CTNND2: variants seen among roughly 807,000 people sequenced by gnomAD.
CTNND2 encodes the protein catenin delta-2.
In CTNND2, 22 loss-of-function variants were observed where a neutral mutation model predicts 144.4. That is an observed-to-expected ratio of 0.15 (90% confidence interval 0.11 to 0.22). The LOEUF (loss-of-function observed/expected upper bound fraction) is 0.22, where lower values mean the gene tolerates loss of function less well. Among genes scored for constraint, CTNND2 ranks in the 10% least tolerant of loss-of-function variants. The probability of loss-of-function intolerance (pLI) is 1.00; values close to 1 mark genes in which losing one functional copy is unlikely to be tolerated. For synonymous variants in CTNND2, 751 were observed against 695.6 expected (o/e 1.08, Z -1.25); for missense variants, 1,353 against 1,618.8 (o/e 0.84, Z 2.82).
At chr5:11,185,723 C>T (rs531465472) in intron 11 of CTNND2, among the ~76,000 whole-genome samples, 1 of 152,262 alleles carries the variant, frequency 6.6e-6, no homozygotes, top group African/African-American at 2.4e-5. Context: ...TTATTTCAAA[C>T]GTTTCATCAG....
intron 10 of CTNND2, among the ~76,000 whole-genome samples, chr5:11,226,391 C>T (rs911110601): frequency 6.6e-6 from 1 of 152,212 alleles, no homozygotes; most frequent in African/African-American, 2.4e-5. Flanking sequence ...GCCCACATCA[C>T]CATCTCACCC....
chr5:11,897,706 A>T (rs1737506028), intron 1 of CTNND2, among the ~76,000 whole-genome samples: 2 of 152,208 alleles, frequency 1.3e-5, no homozygotes, highest in African/African-American at 4.8e-5. Flanking sequence ...CTACAAATCA[A>T]CCAGGGCATT....
chr5:11,339,276 C>T (rs922660105), intron 9 of CTNND2, among the ~76,000 whole-genome samples: 1 of 149,846 alleles, frequency 6.7e-6, no homozygotes, highest in African/African-American at 2.5e-5. Context: ...ATTAAACAGC[C>T]TCATTTTTTA....
chr5:11,653,916 T>A (rs1030149021), intron 2 of CTNND2, among the ~76,000 whole-genome samples: 1 of 152,116 alleles, frequency 6.6e-6, no homozygotes, highest in African/African-American at 2.4e-5. Flanking sequence ...TTGATTTTTA[T>A]GTATGGTTTA....
intron 1 of CTNND2, among the ~76,000 whole-genome samples, chr5:11,796,969 G>C (rs1791437710): frequency 2.0e-5 from 3 of 152,126 alleles, no homozygotes; most frequent in African/African-American, 7.2e-5. Context: ...GAATTTTACA[G>C]AACTATTGTC....
intron 12 of CTNND2, among the ~76,000 whole-genome samples, chr5:11,124,206 G>C (rs567533769): frequency 6.6e-6 from 1 of 152,158 alleles, no homozygotes; most frequent in Admixed American, 6.5e-5. Context: ...AGGCTAAGCA[G>C]AGACTGAACA....
At chr5:11,175,551 A>G (rs1383408840) in intron 11 of CTNND2, among the ~76,000 whole-genome samples, 2 of 152,152 alleles carry the variant, frequency 1.3e-5, no homozygotes, top group Non-Finnish European at 2.9e-5. Flanking sequence ...TTAATTTTTA[A>G]TGCCTGGTAA....
At chr5:11,680,176 G>C (rs1581711151) in intron 2 of CTNND2, among the ~76,000 whole-genome samples, 1 of 152,120 alleles carries the variant, frequency 6.6e-6, no homozygotes, top group African/African-American at 2.4e-5. Context: ...CAGGGAGAAG[G>C]CCAGAGCAGG....
At chr5:11,162,401 G>T (rs1359123286) in intron 11 of CTNND2, among the ~76,000 whole-genome samples, 1 of 152,112 alleles carries the variant, frequency 6.6e-6, no homozygotes, top group Non-Finnish European at 1.5e-5. Context: ...TCTTTTTATA[G>T]GCTGTTCTAT....
intron 16 of CTNND2, among the ~76,000 whole-genome samples, chr5:11,070,558 T>C (rs1383997605): frequency 6.6e-6 from 1 of 152,094 alleles, no homozygotes; most frequent in Admixed American, 6.5e-5. Flanking sequence ...AGAGGAAATA[T>C]AATAATCAAT....
intron 3 of CTNND2, among the ~76,000 whole-genome samples, chr5:11,552,929 T>G (rs1775891756): frequency 6.6e-6 from 1 of 152,202 alleles, no homozygotes; most frequent in Admixed American, 6.5e-5. Context: ...TTTTGGACTC[T>G]CAGCATCTGA....
chr5:11,646,682 A>G (rs978946240), intron 2 of CTNND2, among the ~76,000 whole-genome samples: 4 of 152,170 alleles, frequency 2.6e-5, no homozygotes, highest in East Asian at 1.9e-4. Flanking sequence ...TTTTTGTTCA[A>G]TTTGTCTTTT....
chr5:11,902,968 G>A (rs1738030925), intron 1 of CTNND2: 1 of 155,950 alleles, frequency 6.4e-6, no homozygotes, highest in Admixed American at 6.5e-5. Flanking sequence ...AAACACCAGG[G>A]AGGCTGCATC....
intron 10 of CTNND2, among the ~76,000 whole-genome samples, chr5:11,228,957 T>C (rs568747015): frequency 5.9e-4 from 90 of 152,272 alleles, no homozygotes; most frequent in African/African-American, 1.9e-3. Context: ...TGTTAGGAGT[T>C]AAAAAAATAA....
intron 12 of CTNND2, among the ~76,000 whole-genome samples, chr5:11,147,285 A>C (rs559903096): frequency 1.8e-4 from 27 of 152,326 alleles, no homozygotes; most frequent in African/African-American, 6.3e-4. Context: ...AAGGCCATAG[A>C]GAAGGCCGAA....
chr5:11,751,495 T>C (rs1273353572), intron 1 of CTNND2, among the ~76,000 whole-genome samples: 1 of 151,916 alleles, frequency 6.6e-6, no homozygotes, highest in Non-Finnish European at 1.5e-5. Context: ...GTTGGTTTTC[T>C]GTTCCTGCTT....
At position 11,012,090 on chromosome 5, in the gene CTNND2, G is replaced by A. The variant is rs852622; in HGVS notation, c.3084+5884C>T. Among the ~76,000 whole-genome samples the A allele has an allele frequency of 2.0e-5, 3 of 152,014 alleles. No individual in the cohort carries two copies. The South Asian group carries it at 6.2e-4, about 31-fold the overall frequency. On this transcript the variant is annotated intron_variant, in intron 18 of 21. Transcript: ENST00000304623. Reference sequence around the variant, plus strand: ...TTGCCAATCAAACAGCTTGGAAAAGGGTTGTTGAATTAATGGCAGCAACTC... The same window carrying A: ...TTGCCAATCAAACAGCTTGGAAAAGAGTTGTTGAATTAATGGCAGCAACTC...
chr5:11,837,977 GCT>G (rs1463179461), intron 1 of CTNND2, among the ~76,000 whole-genome samples: 3 of 152,102 alleles, frequency 2.0e-5, no homozygotes, highest in African/African-American at 7.2e-5. Context: ...TCCATGACAA[GCT>G]CTAATTACCT....
intron 10 of CTNND2, among the ~76,000 whole-genome samples, chr5:11,233,358 C>A (rs1176503108): frequency 6.6e-6 from 1 of 152,118 alleles, no homozygotes; most frequent in Non-Finnish European, 1.5e-5. Flanking sequence ...GAATAAGGAA[C>A]AAGAAAGGCA....
Sources: gnomAD v4.1 joint callset for allele counts (sites outside exome capture counted in the v4.1 genomes callset) on GRCh38, gnomAD v4.1.1 for gene constraint, MANE v1.5 for transcripts, NCBI Gene and HGNC (gene_info 2026-07-23, HGNC 2026-07-21) for gene names.